CELA2A: variants seen among roughly 807,000 people sequenced by gnomAD.
The protein encoded by CELA2A is chymotrypsin like elastase 2A.
In CELA2A, 31 loss-of-function variants were observed where a neutral mutation model predicts 35.3. That is an observed-to-expected ratio of 0.88 (90% CI 0.66 to 1.19). CELA2A has a LOEUF of 1.19. Among genes scored for constraint, CELA2A ranks in the 50% most tolerant of loss-of-function variants. The pLI, the probability that CELA2A is intolerant of heterozygous loss-of-function variation, is 0.00. For synonymous variants in CELA2A, 150 were observed against 149.8 expected, an observed-to-expected ratio of 1.00 and a Z score of -0.01; for missense variants, 330 against 352.9, an observed-to-expected ratio of 0.94 and a Z score of 0.52.
chr1:15,466,175 T>C (rs1432328727), intron 6 of CELA2A, 31 bp downstream of exon 6: 6 of 1,609,884 alleles, frequency 3.7e-6, no homozygotes, highest in Non-Finnish European at 5.1e-6. Context: ...CTCCGCTCCA[T>C]GACAAAATGT....
At chr1:15,463,788 A>C (rs1017789030) in intron 5 of CELA2A, among the ~76,000 whole-genome samples, 3 of 151,982 alleles carry the variant, frequency 2.0e-5, no homozygotes, top group African/African-American at 7.3e-5. Flanking sequence ...AGTGGCTCAT[A>C]CCTGTAATCC....
intron 2 of CELA2A, among the ~76,000 whole-genome samples, chr1:15,458,332 A>G (rs954776299): frequency 1.3e-5 from 2 of 149,900 alleles, no homozygotes; most frequent in Non-Finnish European, 3.0e-5. Context: ...TTTAAGAGTC[A>G]TGGTGATCCA....
At chr1:15,465,165 C>A (rs1168133703) in intron 5 of CELA2A, among the ~76,000 whole-genome samples, 1 of 151,870 alleles carries the variant, frequency 6.6e-6, no homozygotes, top group Non-Finnish European at 1.5e-5. Flanking sequence ...GCGAGTGCCA[C>A]CATGCCCGGG....
At chr1:15,463,898 A>G (rs1377296161) in intron 5 of CELA2A, among the ~76,000 whole-genome samples, 3 of 152,092 alleles carry the variant, frequency 2.0e-5, no homozygotes, top group African/African-American at 7.2e-5. Flanking sequence ...TTAAAAAAAA[A>G]AAAAATAGCA....
At chr1:15,461,482 C>T (rs1708432872) in intron 2 of CELA2A, 79 bp from the exon 3 acceptor site, 1 of 1,510,910 alleles carries the variant, frequency 6.6e-7, no homozygotes, top group South Asian at 1.1e-5. Context: ...CTTGTCCCAG[C>T]CCCGTTCTTG....
At chr1:15,465,793 C>T in intron 5 of CELA2A, 1 of 600,032 alleles carries the variant, frequency 1.7e-6, no homozygotes, top group East Asian at 2.6e-5. Context: ...TCTCAGAATC[C>T]CAGGGGAGGG....
At chr1:15,468,001 A>T (rs1282981579) in intron 7 of CELA2A, among the ~76,000 whole-genome samples, 1 of 150,456 alleles carries the variant, frequency 6.6e-6, no homozygotes, top group Non-Finnish European at 1.5e-5. Context: ...CTGAGGCAGG[A>T]GACTCCCTTG....
At chr1:15,467,630 C>A in intron 7 of CELA2A, 92 bp downstream of exon 7, 2 of 1,484,658 alleles carry the variant, frequency 1.3e-6, no homozygotes, top group East Asian at 2.3e-5. Context: ...AGAATCCCCT[C>A]CTTCCTCTTG....
At chr1:15,471,354 C>T (rs1202959692) in intron 7 of CELA2A, among the ~76,000 whole-genome samples, 2 of 152,126 alleles carry the variant, frequency 1.3e-5, no homozygotes, top group African/African-American at 4.8e-5. Flanking sequence ...TGAGACCAGC[C>T]TGGCCAACAT....
At chr1:15,459,452 C>T (rs1708404864) in intron 2 of CELA2A, among the ~76,000 whole-genome samples, 1 of 152,100 alleles carries the variant, frequency 6.6e-6, no homozygotes, top group Admixed American at 6.5e-5. Context: ...GCGTGAGCCT[C>T]TCAACCCAGC....
intron 5 of CELA2A, among the ~76,000 whole-genome samples, chr1:15,465,185 T>C (rs1008476169): frequency 4.6e-5 from 7 of 151,870 alleles, no homozygotes; most frequent in African/African-American, 1.5e-4. Flanking sequence ...GTAATTTTTG[T>C]ATTTTAGTAG....
In CELA2A at chr1:15,466,010, G is replaced by C. The variant is rs2103304456; in HGVS notation, c.505G>C (p.Val169Leu). ...GWGRLQTNGA[V>L]PDVLQQGRLL... ...CTGATCTCATTCAGCCAACGGGGCT[G>C]TTCCTGATGTCCTGCAGCAGGGCCG... The change falls in exon 6 of 8, where the codon GTT (valine) becomes CTT (leucine). Residue 169 changes from valine (V) to leucine (L), a missense_variant. By Grantham distance (32) the Val-to-Leu change is conservative. Transcript: ENST00000359621. 5 of 1,614,170 alleles carry C rather than the reference G, an allele frequency of 3.1e-6. No individual in the cohort carries two copies. Among genetic ancestry groups the C allele is most frequent in the Non-Finnish European group, 4.2e-6 (5 of 1,180,042 alleles).
At chr1:15,471,440 C>T (rs774789786) in intron 7 of CELA2A, among the ~76,000 whole-genome samples, 2 of 151,964 alleles carry the variant, frequency 1.3e-5, no homozygotes, top group East Asian at 1.9e-4. Flanking sequence ...CTCAGCTACC[C>T]GGGAGGCTGA....
chr1:15,456,872 C>G, intron 1 of CELA2A, 79 bp downstream of exon 1: 3 of 1,574,066 alleles, frequency 1.9e-6, no homozygotes, highest in Non-Finnish European at 2.6e-6. Flanking sequence ...CCTCCCCTCT[C>G]GCCCCCACCC....
chr1:15,459,037 C>T lies in CELA2A; in HGVS notation c.129+1863C>T, dbSNP rs148622741. Among the ~76,000 whole-genome samples the T allele has an allele frequency of 4.2e-3, 633 of 150,076 alleles. 3 individuals carry two copies. Among genetic ancestry groups the T allele is most frequent in the Middle Eastern group, 6.9e-3 (2 of 288 alleles). On this transcript the variant is annotated intron_variant, in intron 2 of 7. Transcript: ENST00000359621. ...ACAGAGTCTTGCTCTGTCACCCAGG[C>T]TGGAGTGCAGTGGCACAATCATAGC... is the stretch of plus-strand genomic sequence containing the variant.
chr1:15,457,215 C>T, intron 2 of CELA2A, 41 bp downstream of exon 2: 1 of 1,581,446 alleles, frequency 6.3e-7, no homozygotes, highest in Non-Finnish European at 8.7e-7. Context: ...CCCTGCCCCA[C>T]TCCCTTTACA....
chr1:15,470,193 C>T (rs184405788), intron 7 of CELA2A, among the ~76,000 whole-genome samples: 7 of 152,264 alleles, frequency 4.6e-5, no homozygotes, highest in African/African-American at 7.2e-5. Flanking sequence ...CTGGCAGCAG[C>T]GGAGGAGCTA....
rs1230925322 is a variant in CELA2A at position 15,470,283 on chromosome 1, C to A, written c.793-1707C>A. On this transcript the variant is annotated intron_variant, in intron 7 of 7. Transcript: ENST00000359621. Reference sequence around the variant, plus strand: ...ACATACCACTAGAGCCCTGGGGGTGCCTGAGAGCACCTGCCTGGATAAACC... The same window carrying A: ...ACATACCACTAGAGCCCTGGGGGTGACTGAGAGCACCTGCCTGGATAAACC... Among the ~76,000 whole-genome samples the A allele has an allele frequency of 5.9e-5, 9 of 152,164 alleles. No individual in the cohort carries two copies. In the East Asian group the frequency reaches 7.7e-4, roughly 13 times the overall value.
At chr1:15,463,194 G>C (rs969496641) in intron 4 of CELA2A, among the ~76,000 whole-genome samples, 192 bp from the exon 5 acceptor site, 2 of 152,116 alleles carry the variant, frequency 1.3e-5, no homozygotes, top group African/African-American at 4.8e-5. Context: ...CCTGGAGTAG[G>C]ACACAATCTC....
Sources: gnomAD v4.1 joint callset for allele counts (sites outside exome capture counted in the v4.1 genomes callset) on GRCh38, gnomAD v4.1.1 for gene constraint, MANE v1.5 for transcripts, NCBI Gene and HGNC (gene_info 2026-07-23, HGNC 2026-07-21) for gene names.